C4orf51: variants seen among roughly 807,000 people sequenced by gnomAD.
C4orf51 encodes the protein chromosome 4 open reading frame 51, also known as uncharacterized protein C4orf51.
A neutral mutation model predicts 25.2 loss-of-function variants in C4orf51; 25 were observed. The ratio of observed to expected loss-of-function variants is 0.99; its 90% confidence interval spans 0.72 to 1.39. The LOEUF (loss-of-function observed/expected upper bound fraction) is 1.39, where lower values mean the gene tolerates loss of function less well. Ranked by LOEUF, C4orf51 falls within the 40% of genes most tolerant of loss-of-function variation. The pLI is 0.00. For missense variants in C4orf51, 252 were observed against 239.6 expected, an observed-to-expected ratio of 1.05 and a Z score of -0.34; for synonymous variants, 100 against 84.5, an observed-to-expected ratio of 1.18 and a Z score of -1.01.
At chr4:145,734,423 G>A (rs1579011304), downstream of C4orf51, among the ~76,000 whole-genome samples, 1 of 152,052 alleles carries the variant, frequency 6.6e-6, no homozygotes, top group Admixed American at 6.6e-5. Context: ...ATGGGAGGGT[G>A]GGGAAGAGAC....
chr4:145,725,612 C>T (rs941928780), intron 2 of C4orf51, among the ~76,000 whole-genome samples: 2 of 150,962 alleles, frequency 1.3e-5, no homozygotes, highest in African/African-American at 4.9e-5. Context: ...AAAAAAAGAA[C>T]AAAATACTAA....
At chr4:145,760,737 T>TTG in intron 1 of C4orf51, 1 of 814,710 alleles carries the variant, frequency 1.2e-6, no homozygotes. Flanking sequence ...TTTTTTTTTT[T>TTG]GTCTTTTGTC....
chr4:145,715,629 G>C (rs774470760), intron 2 of C4orf51, among the ~76,000 whole-genome samples: 6 of 152,130 alleles, frequency 3.9e-5, no homozygotes, highest in Non-Finnish European at 5.9e-5. Flanking sequence ...CTATAGTACT[G>C]TCATCCATGG....
intron 1 of C4orf51, among the ~76,000 whole-genome samples, chr4:145,748,999 G>A (rs1733527754): frequency 6.7e-6 from 1 of 149,808 alleles, no homozygotes; most frequent in East Asian, 1.9e-4. Context: ...TATTGGGGTC[G>A]ATGTCTCTCT....
chr4:145,760,870 G>A, intron 1 of C4orf51: 1 of 1,225,286 alleles, frequency 8.2e-7, no homozygotes, highest in Non-Finnish European at 1.0e-6. Flanking sequence ...CTGAGGTCGG[G>A]GAGGGTGGAA....
the C4orf51 span, among the ~76,000 whole-genome samples, chr4:145,786,231 G>A: frequency 2.6e-5 from 4 of 152,150 alleles, no homozygotes; most frequent in East Asian, 1.9e-4. Flanking sequence ...TTGGTGTATT[G>A]TTTGGCTTTG....
chr4:145,706,073 T>C (rs1692923599), intron 2 of C4orf51, among the ~76,000 whole-genome samples: 1 of 152,192 alleles, frequency 6.6e-6, no homozygotes, highest in African/African-American at 2.4e-5. Flanking sequence ...TTAGTCTAAA[T>C]TGCAGACAAA....
chr4:145,741,889 C>T (rs1733122310), intron 1 of C4orf51, among the ~76,000 whole-genome samples: 1 of 151,974 alleles, frequency 6.6e-6, no homozygotes, highest in African/African-American at 2.4e-5. Context: ...TTAGTAGAGA[C>T]TGGGTTTCAC....
intron 1 of C4orf51, among the ~76,000 whole-genome samples, chr4:145,688,270 TCAAAGATGTG>T (rs1729302876): frequency 7.0e-6 from 1 of 143,028 alleles, no homozygotes; most frequent in Non-Finnish European, 1.5e-5. Flanking sequence ...AGAAATGTAA[TCAAAGATGTG>T]CAAGATCTCC....
At chr4:145,732,066 C>A (rs760006798) in intron 5 of C4orf51, among the ~76,000 whole-genome samples, 2 of 152,146 alleles carry the variant, frequency 1.3e-5, no homozygotes, top group Non-Finnish European at 2.9e-5. Context: ...TTTTGGTAAT[C>A]ATTCTCTAAA....
the C4orf51 span, among the ~76,000 whole-genome samples, chr4:145,781,122 G>A: frequency 6.7e-6 from 1 of 149,600 alleles, no homozygotes; most frequent in Non-Finnish European, 1.5e-5. Context: ...CGTGAACCCG[G>A]GAGGTGGAGG....
chr4:145,756,056 G>A (rs191609645), downstream of C4orf51, among the ~76,000 whole-genome samples: 39 of 152,312 alleles, frequency 2.6e-4, no homozygotes, highest in African/African-American at 9.4e-4. Context: ...GCATGGAGGT[G>A]ACTAATGAGA....
intron 2 of C4orf51, among the ~76,000 whole-genome samples, chr4:145,700,387 C>T (rs571322225): frequency 1.3e-5 from 2 of 152,134 alleles, no homozygotes; most frequent in South Asian, 4.2e-4. Flanking sequence ...TATGGGCAAC[C>T]TTCCACCCTC....
chr4:145,770,405 A>G (rs1374638653), intron 1 of C4orf51, among the ~76,000 whole-genome samples: 1 of 151,800 alleles, frequency 6.6e-6, no homozygotes, highest in Non-Finnish European at 1.5e-5. Flanking sequence ...TAGCTGTATT[A>G]TTTTGAACAA....
At chr4:145,747,009 T>C (rs563078800) in intron 1 of C4orf51, among the ~76,000 whole-genome samples, 75 of 152,280 alleles carry the variant, frequency 4.9e-4, no homozygotes, top group African/African-American at 1.6e-3. Flanking sequence ...TCAGACTGTT[T>C]GCTGTTGGCA....
intron 2 of C4orf51, among the ~76,000 whole-genome samples, chr4:145,697,885 G>T (rs1464134166): frequency 6.6e-6 from 1 of 152,136 alleles, no homozygotes; most frequent in African/African-American, 2.4e-5. Context: ...TAGGATTGTT[G>T]GATCATATAG....
chr4:145,776,103 G>T, the C4orf51 span: 3 of 920,232 alleles, frequency 3.3e-6, no homozygotes, highest in Admixed American at 2.5e-5. Context: ...CCTAGGAATT[G>T]TAAGTATCTA....
At position 145,732,627 on chromosome 4, in the gene C4orf51, G is replaced by A. The variant is rs1462220881; in HGVS notation, c.*67G>A. On this transcript the variant is annotated 3_prime_UTR_variant, in exon 6 of 6. Coordinates refer to ENST00000438731, the MANE Select transcript of C4orf51 (RefSeq NM_001080531.3). ...TTAATAAACAACTTTGAGGTATGGGGCCCTCCCAACACCCTCCCCCCACCC... is the reference window on the plus strand; with the variant it reads ...TTAATAAACAACTTTGAGGTATGGGACCCTCCCAACACCCTCCCCCCACCC... 1.8e-6 allele frequency: 2 copies of A among 1,136,622 alleles called. No homozygotes were observed. Among genetic ancestry groups the A allele is most frequent in the Non-Finnish European group, 2.6e-6 (2 of 782,274 alleles). The allele number at this position is 1,136,622 out of a possible 1,614,324, so 70.4% of individuals were successfully genotyped here. A position where few individuals can be genotyped will look rare whatever the true frequency, so the allele number is the denominator to read the frequency against.
intron 2 of C4orf51, among the ~76,000 whole-genome samples, chr4:145,708,027 A>T (rs1275441947): frequency 2.0e-5 from 3 of 152,194 alleles, no homozygotes; most frequent in African/African-American, 7.2e-5. Context: ...CAAGCCATGG[A>T]CATAGCTTTT....
Sources: allele counts gnomAD v4.1 joint callset (sites outside exome capture counted in the v4.1 genomes callset), GRCh38; gene constraint gnomAD v4.1.1; transcripts MANE v1.5; gene names NCBI Gene and HGNC (gene_info 2026-07-23, HGNC 2026-07-21).